TCP11L1: variants seen among roughly 807,000 people sequenced by gnomAD.
TCP11L1 encodes the protein t-complex 11 like 1.
Under a neutral mutation model 48.9 loss-of-function variants are expected in TCP11L1, and 28 were observed. The observed-to-expected ratio is 0.57, with a 90% confidence interval of 0.42 to 0.78. TCP11L1 has a LOEUF of 0.78. Ranked by LOEUF, TCP11L1 falls within the 30% of genes least tolerant of loss-of-function variation. The pLI, the probability that TCP11L1 is intolerant of heterozygous loss-of-function variation, is 0.00. For missense variants in TCP11L1, 505 were observed against 613.4 expected (o/e 0.82, Z 1.87); for synonymous variants, 204 against 231.9 (o/e 0.88, Z 1.09).
chr11:33,068,703 G>A lies in TCP11L1; in HGVS notation c.1171G>A (p.Asp391Asn). 1 of 1,613,998 alleles carries A rather than the reference G, an allele frequency of 6.2e-7. No individual in the cohort carries two copies. Among genetic ancestry groups the A allele is most frequent in the Non-Finnish European group, 8.5e-7 (1 of 1,179,952 alleles). The change falls in exon 9 of 10, where the codon GAC (aspartate) becomes AAC (asparagine). Residue 391 changes from aspartate (D) to asparagine (N), a missense_variant. By Grantham distance (23) the Asp-to-Asn change is conservative (BLOSUM62 1). Transcript: ENST00000334274. ...CTGCCCCAGCTCCTTCCATCTGAAGGACGTCCTCACTACCATCGGGGAGAA... is the reference window on the plus strand; with the variant it reads ...CTGCCCCAGCTCCTTCCATCTGAAGAACGTCCTCACTACCATCGGGGAGAA... ...DMHLPSFHLK[D>N]VLTTIGEKVC...
intron 2 of TCP11L1, among the ~76,000 whole-genome samples, chr11:33,045,069 G>A (rs1279513557): frequency 6.6e-6 from 1 of 152,094 alleles, no homozygotes; most frequent in Non-Finnish European, 1.5e-5. Flanking sequence ...AAGATGCCAG[G>A]ATTGGCCAGG....
At chr11:33,059,988 T>A (rs928538190) in intron 6 of TCP11L1, among the ~76,000 whole-genome samples, 6 of 152,322 alleles carry the variant, frequency 3.9e-5, no homozygotes, top group African/African-American at 9.6e-5. Flanking sequence ...ACCTTTTTTT[T>A]AATCCCATTT....
chr11:33,061,645 C>G lies in TCP11L1; in HGVS notation c.891C>G (p.Pro297=). The change falls in exon 7 of 10, where the codon CCC becomes CCG. Residue 297 remains proline (P), a synonymous_variant. Transcript: ENST00000334274. ...GGMAAGSGDM[P]RLSPVAVQNY... ...TGGCTGCTGGCTCTGGGGACATGCC[C>G]AGGCTGAGCCCTGTTGCTGTCCAGA... 6.2e-7 allele frequency: 1 copy of G among 1,613,318 alleles called. No homozygotes were observed. Among genetic ancestry groups the G allele is most frequent in the South Asian group, 1.1e-5 (1 of 90,756 alleles).
intron 7 of TCP11L1, among the ~76,000 whole-genome samples, chr11:33,063,219 GTTTA>G (rs1327009706): frequency 1.3e-5 from 2 of 152,084 alleles, no homozygotes; most frequent in African/African-American, 4.8e-5. Context: ...ACCACATTTT[GTTTA>G]TTCATTCATC....
chr11:33,054,404 G>A (rs548224251), intron 2 of TCP11L1, among the ~76,000 whole-genome samples, 189 bp from the exon 3 acceptor site: 139 of 152,214 alleles, frequency 9.1e-4, no homozygotes, highest in Non-Finnish European at 1.6e-3. Flanking sequence ...AATGATCTCT[G>A]CTTTTAGGAT....
At chr11:33,059,763 C>A (rs114346967) in intron 6 of TCP11L1, among the ~76,000 whole-genome samples, 2,383 of 152,246 alleles carry the variant, frequency 0.016, 69 homozygotes, top group African/African-American at 0.053. Flanking sequence ...GGTTGCCTGA[C>A]CAGATTAGTT....
At chr11:33,067,541 G>C (rs1330801309) in intron 8 of TCP11L1, among the ~76,000 whole-genome samples, 8 of 152,202 alleles carry the variant, frequency 5.3e-5, no homozygotes, top group Non-Finnish European at 8.8e-5. Flanking sequence ...CACAGGTACA[G>C]CTCTGGGCTG....
rs1387530345 is a variant in TCP11L1, at chr11:33,073,186, C to T, written c.*510C>T. ...ATTTTCTCCCCCTATTTATTGCTTC[C>T]TCCCTGCCTGGCCTAGCCAGGGCTC... is the stretch of plus-strand genomic sequence containing the variant. On this transcript the variant is annotated 3_prime_UTR_variant, in exon 10 of 10. Transcript: ENST00000334274. The T allele has an allele frequency of 1.9e-5, 3 of 155,156 alleles. No individual in the cohort carries two copies. Among genetic ancestry groups the T allele is most frequent in the African/African-American group, 7.2e-5 (3 of 41,438 alleles). The allele number at this position is 155,156 out of a possible 1,614,324, so 9.6% of individuals were successfully genotyped here. A position where few individuals can be genotyped will look rare whatever the true frequency, so the allele number is the denominator to read the frequency against.
At chr11:33,061,374 A>G (rs998255634) in intron 6 of TCP11L1, among the ~76,000 whole-genome samples, 156 bp from the exon 7 acceptor site, 4 of 152,218 alleles carry the variant, frequency 2.6e-5, no homozygotes, top group African/African-American at 9.6e-5. Context: ...TCAGTTAGTC[A>G]TTGGCACTAC....
At chr11:33,071,696 CTT>C (rs1342114384) in intron 9 of TCP11L1, among the ~76,000 whole-genome samples, 1 of 152,160 alleles carries the variant, frequency 6.6e-6, no homozygotes, top group Non-Finnish European at 1.5e-5. Flanking sequence ...GGAAAAAAGT[CTT>C]TTTTGAACCT....
At chr11:33,061,788 A>G in intron 7 of TCP11L1, 62 bp downstream of exon 7, 1 of 1,480,768 alleles carries the variant, frequency 6.8e-7, no homozygotes, top group Non-Finnish European at 9.0e-7. Flanking sequence ...CTTTTTAAAA[A>G]GAATAGCTTT....
chr11:33,046,464 G>A (rs577502539), intron 2 of TCP11L1, among the ~76,000 whole-genome samples: 4 of 152,274 alleles, frequency 2.6e-5, no homozygotes, highest in Admixed American at 1.3e-4. Flanking sequence ...TGGGACCTAT[G>A]ATCAAGATTT....
intron 2 of TCP11L1, among the ~76,000 whole-genome samples, chr11:33,047,199 G>T (rs573521118): frequency 6.2e-5 from 9 of 145,742 alleles, no homozygotes; most frequent in Non-Finnish European, 1.0e-4. Context: ...GGGGACAAGA[G>T]CGAAACTTCA....
intron 3 of TCP11L1, 77 bp downstream of exon 3, chr11:33,054,802 T>A (rs1057506785): frequency 2.0e-6 from 3 of 1,471,738 alleles, no homozygotes; most frequent in Non-Finnish European, 2.8e-6. Flanking sequence ...CTTCAGTTGA[T>A]ACCAATATAT....
chr11:33,045,052 G>A (rs1007642104), intron 2 of TCP11L1, among the ~76,000 whole-genome samples: 3 of 152,114 alleles, frequency 2.0e-5, no homozygotes, highest in African/African-American at 7.2e-5. Flanking sequence ...GTCATCTATT[G>A]CATTTAAAGA....
At chr11:33,047,004 G>A (rs774090124) in intron 2 of TCP11L1, among the ~76,000 whole-genome samples, 1 of 152,034 alleles carries the variant, frequency 6.6e-6, no homozygotes, top group Non-Finnish European at 1.5e-5. Context: ...AATCACCTGA[G>A]GTGAGGTCAG....
In TCP11L1 at chr11:33,061,476, G is replaced by A. The variant is rs148722242; in HGVS notation, c.776-54G>A. On this transcript the variant is annotated intron_variant, in intron 6 of 9. Coordinates refer to ENST00000334274, the MANE Select transcript of TCP11L1 (RefSeq NM_018393.4). ...CATCGATTGTCCCTTAAGTAATTCC[G>A]AGAAGCATCCCTTCTTGGTGTCAAG... The A allele has an allele frequency of 9.0e-4, 1,338 of 1,484,666 alleles. 2 individuals carry two copies. The highest frequency in any genetic ancestry group is 1.1e-3 in the Non-Finnish European group (1,239 of 1,105,836). The allele number at this position is 1,484,666 out of a possible 1,614,324, so 92.0% of individuals were successfully genotyped here.
At chr11:33,067,592 T>C (rs2133745290) in intron 8 of TCP11L1, among the ~76,000 whole-genome samples, 1 of 152,306 alleles carries the variant, frequency 6.6e-6, no homozygotes, top group East Asian at 1.9e-4. Flanking sequence ...CTGTCAAAGC[T>C]CCCGCTGAGG....
At chr11:33,064,287 G>T (rs529994066) in intron 7 of TCP11L1, among the ~76,000 whole-genome samples, 1 of 152,338 alleles carries the variant, frequency 6.6e-6, no homozygotes, top group East Asian at 1.9e-4. Flanking sequence ...AAAGCCATGT[G>T]AAGTCAGAAA....
Sources: allele counts gnomAD v4.1 joint callset (sites outside exome capture counted in the v4.1 genomes callset), GRCh38; gene constraint gnomAD v4.1.1; transcripts MANE v1.5; gene names NCBI Gene and HGNC (gene_info 2026-07-23, HGNC 2026-07-21).